Variants in RERG observed in about 807,000 individuals in gnomAD.
RERG encodes ras-related and estrogen-regulated growth inhibitor.
Under a neutral mutation model 23.2 loss-of-function variants are expected in RERG, and 25 were observed. That is an observed-to-expected ratio of 1.08 (90% CI 0.79 to 1.50). The LOEUF (loss-of-function observed/expected upper bound fraction) is 1.50. Among genes scored for constraint, RERG ranks in the 40% most tolerant of loss-of-function variants. RERG has a pLI of 0.00. For synonymous variants in RERG, 81 were observed against 89.1 expected (o/e 0.91, Z 0.51); for missense variants, 253 against 250.1 (o/e 1.01, Z -0.08).
At chr12:15,145,399 G>A (rs1864314978) in intron 2 of RERG, among the ~76,000 whole-genome samples, 2 of 152,214 alleles carry the variant, frequency 1.3e-5, no homozygotes, top group South Asian at 4.1e-4. Flanking sequence ...TCAGGGCCAT[G>A]AGAGATCTCA....
At chr12:15,176,615 G>A (rs1416454671) in intron 2 of RERG, among the ~76,000 whole-genome samples, 4 of 152,046 alleles carry the variant, frequency 2.6e-5, no homozygotes, top group African/African-American at 9.7e-5. Flanking sequence ...AGCAAGACAC[G>A]AGATAATAGA....
At chr12:15,148,806 G>C (rs1864378719) in intron 2 of RERG, among the ~76,000 whole-genome samples, 1 of 139,414 alleles carries the variant, frequency 7.2e-6, no homozygotes, top group South Asian at 2.4e-4. Context: ...CAATCATTTG[G>C]GCAATAGTTT....
intron 2 of RERG, among the ~76,000 whole-genome samples, chr12:15,153,051 C>T (rs932094536): frequency 5.9e-5 from 9 of 152,144 alleles, no homozygotes; most frequent in Non-Finnish European, 1.0e-4. Context: ...TGAGGTAGTT[C>T]GGGTGAGTCA....
In RERG at chr12:15,109,213, T is replaced by A. The variant is rs761783227; in HGVS notation, c.497A>T (p.Glu166Val). The change falls in exon 5 of 5, where the codon GAG (glutamate) becomes GTG (valine). Residue 166 changes from glutamate to valine, a missense_variant. Transcript: ENST00000256953. Reference protein sequence around the residue: ...ITEIFYELCREVRRRRMVQGK... With the variant: ...ITEIFYELCRVVRRRRMVQGK... ...CTGCACCATCCTCCGGCGACGCACC[T>A]CTCGACACAATTCATAGAATATCTC... is the stretch of plus-strand genomic sequence containing the variant. The A allele has an allele frequency of 1.9e-6, 3 of 1,613,594 alleles. No homozygotes were observed. Among genetic ancestry groups the A allele is most frequent in the African/African-American group, 1.3e-5 (1 of 74,720 alleles).
rs774430569 is a variant in RERG, at chr12:15,109,306, T to A, written c.404A>T (p.Lys135Met). Residue 135 changes from lysine (K) to methionine (M), a missense_variant, in exon 5 of 5, where the codon AAG (lysine) becomes ATG (methionine). Physicochemically the swap from Lys to Met is moderately conservative, Grantham distance 95 (BLOSUM62 -1). Coordinates refer to ENST00000256953, the MANE Select transcript of RERG (RefSeq NM_032918.3). ...AGCACAAGCCAATTCTGTGGCCAGC[T>A]TCTCTCCTTCTTCTGTGCTAACCTG... ...SRQVSTEEGE[K>M]LATELACAFY... 2.5e-6 allele frequency: 4 copies of A among 1,614,034 alleles called. No homozygotes were observed. The African/African-American group carries it at 4.0e-5, about 16-fold the overall frequency.
chr12:15,190,950 A>G (rs1288655915), intron 2 of RERG, among the ~76,000 whole-genome samples: 8 of 152,152 alleles, frequency 5.3e-5, no homozygotes, highest in Non-Finnish European at 2.9e-5. Context: ...GTAGACTTCA[A>G]TTCCTCAAAG....
At position 15,108,085 on chromosome 12, in the gene RERG, T is replaced by C. The variant is rs2136080140; in HGVS notation, c.*1025A>G. ...TTTAGACACATTTATTCAGCTGTAA[T>C]GAACTTTAATCACCCATTCTTTTCT... On this transcript the variant is annotated 3_prime_UTR_variant, in exon 5 of 5. Coordinates refer to ENST00000256953, the MANE Select transcript of RERG (RefSeq NM_032918.3). 6.5e-6 allele frequency: 1 copy of C among 152,748 alleles called. No individual in the cohort carries two copies. Among genetic ancestry groups the C allele is most frequent in the South Asian group, 2.1e-4 (1 of 4,828 alleles). The allele number at this position is 152,748 out of a possible 1,614,324, so 9.5% of individuals were successfully genotyped here. A position where few individuals can be genotyped will look rare whatever the true frequency, so the allele number is the denominator to read the frequency against.
Position 15,205,243 on chromosome 12 carries a change from C to T in RERG, c.61+12186G>A, listed in dbSNP as rs114885642. 3.3e-3 allele frequency among the ~76,000 whole-genome samples: 507 copies of T among 152,028 alleles called. 1 individual carries two copies. The highest frequency in any genetic ancestry group is 0.012 in the African/African-American group (480 of 41,508). ...AATTTACATAGTTCTTTGGACTTCT[C>T]CCACAAATATTAGCATTTTATTGGG... On this transcript the variant is annotated intron_variant, in intron 2 of 4. Transcript: ENST00000256953.
intron 2 of RERG, among the ~76,000 whole-genome samples, chr12:15,152,653 T>C (rs927563844): frequency 2.6e-5 from 4 of 152,222 alleles, no homozygotes; most frequent in African/African-American, 9.6e-5. Context: ...CCAGTCCAGC[T>C]GGAGCACCAC....
chr12:15,124,037 A>G (rs1193619453), intron 2 of RERG, among the ~76,000 whole-genome samples: 1 of 152,134 alleles, frequency 6.6e-6, no homozygotes, highest in Non-Finnish European at 1.5e-5. Context: ...GTTCTGTTTT[A>G]GTATTACTGG....
chr12:15,159,586 G>A (rs577452582), intron 2 of RERG, among the ~76,000 whole-genome samples: 1 of 152,334 alleles, frequency 6.6e-6, no homozygotes, highest in Non-Finnish European at 1.5e-5. Flanking sequence ...CACTTTGGGA[G>A]GCCGAGGCAG....
At chr12:15,134,294 G>A (rs1320692431) in intron 2 of RERG, among the ~76,000 whole-genome samples, 1 of 151,966 alleles carries the variant, frequency 6.6e-6, no homozygotes, top group African/African-American at 2.4e-5. Context: ...CTATATCCAG[G>A]TTCATTTTTT....
chr12:15,135,722 A>AACCG (rs1266751415), intron 2 of RERG, among the ~76,000 whole-genome samples: 2 of 152,116 alleles, frequency 1.3e-5, no homozygotes, highest in African/African-American at 4.8e-5. Context: ...TTTGAATGTC[A>AACCG]ACCGGTCTTG....
At position 15,109,386 on chromosome 12, in the gene RERG, G is replaced by A; in HGVS notation, c.324C>T (p.Pro108=). ...LKNILDEIKK[P]KNVTLILVGN... is the part of the protein sequence containing the mutation. The stretch of plus-strand genomic sequence containing the variant: ...CAACCAAGATGAGAGTCACATTCTT[G>A]GGCTTTTTGATCTCATCTAGGATGT... The change falls in exon 5 of 5, where the codon CCC becomes CCT. Residue 108 remains proline, a synonymous_variant. Transcript: ENST00000256953. 1 of 1,613,940 alleles carries A rather than the reference G, an allele frequency of 6.2e-7. No homozygotes were observed. Among genetic ancestry groups the A allele is most frequent in the Non-Finnish European group, 8.5e-7 (1 of 1,179,980 alleles).
At chr12:15,128,175 T>C (rs1349206614) in intron 2 of RERG, among the ~76,000 whole-genome samples, 1 of 152,230 alleles carries the variant, frequency 6.6e-6, no homozygotes, top group Non-Finnish European at 1.5e-5. Context: ...TTGCTTGTGA[T>C]TAGATTTATT....
intron 2 of RERG, among the ~76,000 whole-genome samples, chr12:15,166,745 A>C (rs959023859): frequency 1.3e-5 from 2 of 150,612 alleles, no homozygotes; most frequent in Non-Finnish European, 2.9e-5. Context: ...GTCAACCACT[A>C]TACTGCCTGA....
At chr12:15,146,126 C>A (rs1037938634) in intron 2 of RERG, among the ~76,000 whole-genome samples, 1 of 152,130 alleles carries the variant, frequency 6.6e-6, no homozygotes, top group Non-Finnish European at 1.5e-5. Context: ...AGTCTTAACA[C>A]TTGATAAAAT....
intron 2 of RERG, among the ~76,000 whole-genome samples, chr12:15,179,720 C>T (rs1591660157): frequency 6.6e-6 from 1 of 152,036 alleles, no homozygotes. Flanking sequence ...CCCTGAAAGC[C>T]ACAACAGAGT....
At chr12:15,193,462 C>G (rs1336863935) in intron 2 of RERG, among the ~76,000 whole-genome samples, 1 of 152,064 alleles carries the variant, frequency 6.6e-6, no homozygotes, top group East Asian at 1.9e-4. Flanking sequence ...CATCCCATGC[C>G]CCAACCTTGA....
Sources: gnomAD v4.1 joint callset for allele counts (sites outside exome capture counted in the v4.1 genomes callset) on GRCh38, gnomAD v4.1.1 for gene constraint, MANE v1.5 for transcripts, NCBI Gene and HGNC (gene_info 2026-07-23, HGNC 2026-07-21) for gene names.